Variants in NRXN1 observed in about 807,000 individuals in gnomAD.
NRXN1 encodes the protein neurexin-1.
A neutral mutation model predicts 150.9 loss-of-function variants in NRXN1; 39 were observed. The observed-to-expected ratio is 0.26, with a 90% confidence interval of 0.20 to 0.34. NRXN1 has a LOEUF of 0.34. NRXN1 is among the 10% of genes least tolerant of loss of function. NRXN1 has a pLI of 1.00. For missense variants in NRXN1, 1,815 were observed against 1,949.9 expected (o/e 0.93, Z 1.30); for synonymous variants, 924 against 757.0 (o/e 1.22, Z -3.62).
At chr2:50,763,158 A>G (rs955424489) in intron 5 of NRXN1, among the ~76,000 whole-genome samples, 12 of 151,906 alleles carry the variant, frequency 7.9e-5, no homozygotes, top group African/African-American at 2.9e-4. Flanking sequence ...CTACTCTCCC[A>G]AGTTTCTGTA....
intron 18 of NRXN1, among the ~76,000 whole-genome samples, chr2:50,202,235 G>T (rs1002431216): frequency 6.6e-6 from 1 of 152,154 alleles, no homozygotes; most frequent in Non-Finnish European, 1.5e-5. Flanking sequence ...GGCTGGGCGC[G>T]GTGGCTCACG....
At chr2:50,867,538 A>G (rs1677119795) in intron 5 of NRXN1, among the ~76,000 whole-genome samples, 1 of 151,970 alleles carries the variant, frequency 6.6e-6, no homozygotes, top group Non-Finnish European at 1.5e-5. Context: ...CAAGCCTCCA[A>G]GTTCAATCGA....
intron 12 of NRXN1, among the ~76,000 whole-genome samples, chr2:50,511,947 T>C (rs1213930650): frequency 2.0e-5 from 3 of 152,168 alleles, no homozygotes; most frequent in African/African-American, 7.2e-5. Flanking sequence ...TTTGTAGTTA[T>C]GGGAGGTAAT....
At chr2:50,494,372 A>G (rs1328828033) in intron 15 of NRXN1, among the ~76,000 whole-genome samples, 1 of 152,172 alleles carries the variant, frequency 6.6e-6, no homozygotes, top group Admixed American at 6.5e-5. Flanking sequence ...TGGATTTTAC[A>G]ATCTCTCCCT....
intron 10 of NRXN1, 144 bp from the exon 11 acceptor site, chr2:50,531,574 A>G: frequency 1.5e-6 from 1 of 686,042 alleles, no homozygotes; most frequent in Non-Finnish European, 2.4e-6. Context: ...TCAGAAATAA[A>G]CAAAACTGTG....
At chr2:50,224,626 C>G (rs1032576254) in intron 18 of NRXN1, among the ~76,000 whole-genome samples, 1 of 150,550 alleles carries the variant, frequency 6.6e-6, no homozygotes, top group East Asian at 2.0e-4. Context: ...CCAATTTTAC[C>G]TCCCTCAGCT....
At chr2:50,079,521 A>G (rs1697620054) in intron 19 of NRXN1, among the ~76,000 whole-genome samples, 1 of 152,034 alleles carries the variant, frequency 6.6e-6, no homozygotes, top group Admixed American at 6.5e-5. Flanking sequence ...TTTTTAAATT[A>G]TGAACTTTGA....
intron 5 of NRXN1, among the ~76,000 whole-genome samples, chr2:50,840,386 T>C (rs1468371599): frequency 6.6e-6 from 1 of 152,110 alleles, no homozygotes; most frequent in African/African-American, 2.4e-5. Flanking sequence ...ACAATAACAA[T>C]TTTCTCTCAC....
At chr2:50,760,558 C>T (rs569098778) in intron 5 of NRXN1, among the ~76,000 whole-genome samples, 2 of 151,952 alleles carry the variant, frequency 1.3e-5, no homozygotes, top group Non-Finnish European at 1.5e-5. Context: ...ATCGCCTTTT[C>T]TACTGCCACT....
chr2:50,569,996 C>T (rs1203818020), intron 8 of NRXN1, among the ~76,000 whole-genome samples: 1 of 152,140 alleles, frequency 6.6e-6, no homozygotes, highest in East Asian at 1.9e-4. Context: ...CAAGTAACTA[C>T]TGTTGCCAAT....
At chr2:50,875,264 C>T (rs1678399414) in intron 5 of NRXN1, among the ~76,000 whole-genome samples, 1 of 151,596 alleles carries the variant, frequency 6.6e-6, no homozygotes, top group Non-Finnish European at 1.5e-5. Context: ...ATAACTTCTT[C>T]ACTGCATGTA....
At chr2:50,008,609 ACT>A (rs1474858552) in intron 21 of NRXN1, among the ~76,000 whole-genome samples, 1 of 151,674 alleles carries the variant, frequency 6.6e-6, no homozygotes, top group Non-Finnish European at 1.5e-5. Context: ...CCAGAATATG[ACT>A]CTGAACACTA....
intron 18 of NRXN1, among the ~76,000 whole-genome samples, chr2:50,097,286 T>C (rs933820893): frequency 6.6e-6 from 1 of 152,220 alleles, no homozygotes; most frequent in East Asian, 1.9e-4. Context: ...GTTTACGTTC[T>C]GTAAACTTCT....
In NRXN1 at chr2:50,134,249, G is replaced by A. The variant is rs143667950; in HGVS notation, c.3547-42755C>T. On this transcript the variant is annotated intron_variant, in intron 18 of 22. Coordinates refer to ENST00000401669, the MANE Select transcript of NRXN1 (RefSeq NM_001330078.2). ...ACAAAAAGGGTGTTGAGGTATAGCT[G>A]CCAAAACCAATTAAAAGTAACCAGA... Among the ~76,000 whole-genome samples the A allele has an allele frequency of 1.2e-4, 16 of 136,698 alleles. No homozygotes were observed. In the East Asian group the frequency reaches 3.5e-3, roughly 30 times the overall value. The allele number at this position is 136,698 out of a possible 152,430, so 89.7% of individuals were successfully genotyped here.
At chr2:50,740,618 T>C (rs191840242) in intron 5 of NRXN1, among the ~76,000 whole-genome samples, 61 of 152,324 alleles carry the variant, frequency 4.0e-4, no homozygotes, top group Admixed American at 2.6e-3. Flanking sequence ...TGTGTGCCTG[T>C]GTACGTATAT....
intron 2 of NRXN1, among the ~76,000 whole-genome samples, chr2:51,000,821 C>A (rs1365478733): frequency 6.6e-6 from 1 of 151,498 alleles, no homozygotes; most frequent in African/African-American, 2.4e-5. Context: ...AAAATTAAAA[C>A]CTATACATGA....
chr2:50,938,479 T>G (rs1688880217), intron 2 of NRXN1, among the ~76,000 whole-genome samples: 1 of 152,204 alleles, frequency 6.6e-6, no homozygotes, highest in Admixed American at 6.5e-5. Context: ...TGTCTTCTTC[T>G]GAGCCCTCCA....
chr2:50,426,353 C>A (rs200310248), intron 17 of NRXN1, among the ~76,000 whole-genome samples: 2 of 152,308 alleles, frequency 1.3e-5, no homozygotes, highest in East Asian at 3.9e-4. Context: ...TTAATTAAAA[C>A]AATTCTTATC....
chr2:50,809,866 A>C (rs1667981863), intron 5 of NRXN1, among the ~76,000 whole-genome samples: 1 of 152,178 alleles, frequency 6.6e-6, no homozygotes, highest in Non-Finnish European at 1.5e-5. Context: ...GAAATCATCT[A>C]CTAAATTCTG....
Sources: gnomAD v4.1 joint callset for allele counts (sites outside exome capture counted in the v4.1 genomes callset) on GRCh38, gnomAD v4.1.1 for gene constraint, MANE v1.5 for transcripts, NCBI Gene and HGNC (gene_info 2026-07-23, HGNC 2026-07-21) for gene names.